FOXN1: variants seen among roughly 807,000 people sequenced by gnomAD.
The protein encoded by FOXN1 is forkhead box protein N1.
A neutral mutation model predicts 49.0 loss-of-function variants in FOXN1; 15 were observed. The ratio of observed to expected loss-of-function variants is 0.31; its 90% confidence interval spans 0.20 to 0.47. FOXN1 has a LOEUF of 0.47. Among genes scored for constraint, FOXN1 ranks in the 20% least tolerant of loss-of-function variants. The probability of loss-of-function intolerance (pLI) is 1.00; values close to 1 mark genes in which losing one functional copy is unlikely to be tolerated. For missense variants in FOXN1, 800 were observed against 842.8 expected (o/e 0.95, Z 0.63); for synonymous variants, 356 against 369.0 (o/e 0.96, Z 0.40).
In FOXN1 at chr17:28,535,071, C is replaced by T. The variant is rs914906056; in HGVS notation, c.1500C>T (p.Ser500=). ...DSPLPAHTPP[S]HSAKLLAEPS... is the part of the protein sequence containing the mutation. ...CTCTGCCTGCCCACACCCCACCCAG[C>T]CACAGTGCCAAGCTACTGGCCGAGC... Residue 500 remains serine (S), a synonymous_variant, in exon 8 of 9, where the codon AGC becomes AGT. Coordinates refer to ENST00000579795, the MANE Select transcript of FOXN1 (RefSeq NM_001369369.1). The T allele has an allele frequency of 2.5e-6, 4 of 1,609,510 alleles. No individual in the cohort carries two copies. In the Admixed American group the frequency reaches 5.0e-5, roughly 20 times the overall value.
chr17:28,537,642 G>A lies in FOXN1; in HGVS notation c.*206G>A, dbSNP rs774039480. On this transcript the variant is annotated 3_prime_UTR_variant, in exon 9 of 9. Transcript: ENST00000579795. ...TCTCACACATTTCTGCCACGTGGTG[G>A]CCCAGCTCCTCACCCAGGGCCCCCA... 7.2e-5 allele frequency: 45 copies of A among 629,180 alleles called. No individual in the cohort carries two copies. The highest frequency in any genetic ancestry group is 3.3e-4 in the African/African-American group (18 of 55,270). The allele number at this position is 629,180 out of a possible 1,614,324, so 39.0% of individuals were successfully genotyped here.
chr17:28,535,003 C>T lies in FOXN1; in HGVS notation c.1432C>T (p.His478Tyr). The change falls in exon 8 of 9, where the codon CAC becomes TAC. Residue 478 changes from histidine to tyrosine, a missense_variant. By Grantham distance (83) the His-to-Tyr change is moderately conservative (BLOSUM62 2). Transcript: ENST00000579795. ...GCCATTGTTCCCACAGCCGGACGGGCACCTTGAGCTGCGGGCCCAGCCAGG... is the reference window on the plus strand; with the variant it reads ...GCCATTGTTCCCACAGCCGGACGGGTACCTTGAGCTGCGGGCCCAGCCAGG... ...PQPLFPQPDG[H>Y]LELRAQPGTP... 1 of 1,613,950 alleles carries T rather than the reference C, an allele frequency of 6.2e-7. No individual in the cohort carries two copies. Among genetic ancestry groups the T allele is most frequent in the East Asian group, 2.2e-5 (1 of 44,878 alleles).
At chr17:28,513,411 A>G (rs943305952) in intron 1 of FOXN1, among the ~76,000 whole-genome samples, 2 of 152,256 alleles carry the variant, frequency 1.3e-5, no homozygotes, top group Non-Finnish European at 2.9e-5. Context: ...TAAAACATTC[A>G]TCTATCTGTC....
chr17:28,537,994 A>G lies in FOXN1; in HGVS notation c.*558A>G, dbSNP rs374753178. 2 of 159,650 alleles carry G rather than the reference A, an allele frequency of 1.3e-5. No homozygotes were observed. Among genetic ancestry groups the G allele is most frequent in the East Asian group, 1.7e-4 (1 of 5,758 alleles). The allele number at this position is 159,650 out of a possible 1,614,324, so 9.9% of individuals were successfully genotyped here. ...GCCCTGTATTTATTCCCCCATCTTC[A>G]TCCCAACAGCCCAGCAAGAAGGAGG... On this transcript the variant is annotated 3_prime_UTR_variant, in exon 9 of 9. Coordinates refer to ENST00000579795, the MANE Select transcript of FOXN1 (RefSeq NM_001369369.1).
At chr17:28,528,035 G>A (rs1318353817) in intron 4 of FOXN1, among the ~76,000 whole-genome samples, 1 of 152,212 alleles carries the variant, frequency 6.6e-6, no homozygotes, top group African/African-American at 2.4e-5. Context: ...CAGAGCAAGT[G>A]GCTGCCCAGC....
In FOXN1 at chr17:28,524,859, G is replaced by A; in HGVS notation, c.480G>A (p.Glu160=). The change falls in exon 3 of 9, where the codon GAG becomes GAA. Residue 160 remains glutamate (E), a synonymous_variant. Transcript: ENST00000579795. The stretch of plus-strand genomic sequence containing the variant: ...CAGGGCCGCTGGAGGCCTTCGAGGA[G>A]ATCCCAGTGGACGTGGCGGAGGCCG... ...KTPGPLEAFE[E]IPVDVAEAEA... is the part of the protein sequence containing the mutation. 6.2e-7 allele frequency: 1 copy of A among 1,613,752 alleles called. No individual in the cohort carries two copies. Among genetic ancestry groups the A allele is most frequent in the South Asian group, 1.1e-5 (1 of 91,078 alleles).
intron 1 of FOXN1, among the ~76,000 whole-genome samples, chr17:28,508,693 A>T (rs2069320747): frequency 1.3e-5 from 2 of 152,036 alleles, no homozygotes; most frequent in African/African-American, 4.8e-5. Flanking sequence ...CAGGGACAGA[A>T]AGGCCCCACT....
intron 4 of FOXN1, among the ~76,000 whole-genome samples, chr17:28,528,292 G>GGCT (rs893454856): frequency 6.6e-6 from 1 of 152,190 alleles, no homozygotes; most frequent in African/African-American, 2.4e-5. Flanking sequence ...GCTATCCTGA[G>GGCT]GCTCATGGTC....
rs528202630 is a variant in FOXN1, at chr17:28,523,892, C to T, written c.-14-64C>T. The T allele has an allele frequency of 1.8e-5, 29 of 1,569,948 alleles. No homozygotes were observed. In the East Asian group the frequency reaches 4.5e-4, roughly 24 times the overall value. On this transcript the variant is annotated intron_variant, in intron 1 of 8. Coordinates refer to ENST00000579795, the MANE Select transcript of FOXN1 (RefSeq NM_001369369.1). ...AAGGATGGGGTTGGGGTGGAGGTGG[C>T]GAACCTGGGTTGGTCCCCACTGGAT...
At chr17:28,529,741 C>T (rs1463180797) in intron 5 of FOXN1, among the ~76,000 whole-genome samples, 1 of 152,180 alleles carries the variant, frequency 6.6e-6, no homozygotes, top group Non-Finnish European at 1.5e-5. Flanking sequence ...TCCTTTCATT[C>T]ATCCAACCAA....
intron 1 of FOXN1, among the ~76,000 whole-genome samples, chr17:28,513,854 A>T (rs1172535769): frequency 1.3e-5 from 2 of 152,160 alleles, no homozygotes; most frequent in Non-Finnish European, 1.5e-5. Context: ...GAGAGACGGG[A>T]AGGTGCCCAG....
At chr17:28,510,576 ACACG>A (rs1402868790) in intron 1 of FOXN1, among the ~76,000 whole-genome samples, 5 of 114,018 alleles carry the variant, frequency 4.4e-5, no homozygotes, top group African/African-American at 1.9e-4. Context: ...ACACGCACAC[ACACG>A]CACACACACA....
intron 8 of FOXN1, among the ~76,000 whole-genome samples, chr17:28,536,807 G>A (rs1334883688): frequency 6.6e-6 from 1 of 152,118 alleles, no homozygotes. Flanking sequence ...ACTCCCAAGT[G>A]CACAACATTG....
intron 3 of FOXN1, among the ~76,000 whole-genome samples, chr17:28,526,183 G>A (rs954539144): frequency 2.6e-5 from 4 of 152,218 alleles, no homozygotes; most frequent in African/African-American, 2.4e-5. Context: ...GTATCTGGTC[G>A]ACTTGCTGGG....
At chr17:28,516,161 C>T (rs1205722975) in intron 1 of FOXN1, among the ~76,000 whole-genome samples, 10 of 145,476 alleles carry the variant, frequency 6.9e-5, no homozygotes, top group Admixed American at 1.4e-4. Context: ...TCCACAGGAT[C>T]CATACCTCCA....
intron 2 of FOXN1, 151 bp from the exon 3 acceptor site, chr17:28,524,352 G>GCTT (rs10638362): frequency 0.94 from 716,008 of 759,108 alleles, 338,490 homozygotes; most frequent in African/African-American, 0.99. Context: ...TGAAATCGGG[G>GCTT]CCAAGGGTAG....
intron 1 of FOXN1, among the ~76,000 whole-genome samples, chr17:28,507,841 C>T (rs2069296775): frequency 1.3e-5 from 2 of 152,324 alleles, no homozygotes; most frequent in Admixed American, 1.3e-4. Flanking sequence ...GGCAGGGCCT[C>T]CTATCCTGGT....
Position 28,537,561 on chromosome 17 carries a change from A to G in FOXN1, c.*125A>G. 1 of 764,208 alleles carries G rather than the reference A, an allele frequency of 1.3e-6. No homozygotes were observed. Among genetic ancestry groups the G allele is most frequent in the Non-Finnish European group, 2.3e-6 (1 of 441,382 alleles). The allele number at this position is 764,208 out of a possible 1,614,324, so 47.3% of individuals were successfully genotyped here. A position where few individuals can be genotyped will look rare whatever the true frequency, so the allele number is the denominator to read the frequency against. The stretch of plus-strand genomic sequence containing the variant: ...TACCTGTCCCCTATGCCACTAAGCC[A>G]ACGTGTGTGTCAGCTGGTAGCTGGG... On this transcript the variant is annotated 3_prime_UTR_variant, in exon 9 of 9. Transcript: ENST00000579795.
In FOXN1 at chr17:28,524,877, GGAGGCC is replaced by G; in HGVS notation, c.505_510del (p.Glu169_Ala170del). On this transcript the variant is annotated inframe_deletion, in exon 3 of 9. Coordinates refer to ENST00000579795, the MANE Select transcript of FOXN1 (RefSeq NM_001369369.1). ...TCGAGGAGATCCCAGTGGACGTGGCGGAGGCCGAGGCCTTCCTGCCTGGCTTCTCAG... is the reference window on the plus strand; with the variant it reads ...TCGAGGAGATCCCAGTGGACGTGGCGGAGGCCTTCCTGCCTGGCTTCTCAG... 2 of 1,613,612 alleles carry G rather than the reference GGAGGCC, an allele frequency of 1.2e-6. No individual in the cohort carries two copies. Among genetic ancestry groups the G allele is most frequent in the Non-Finnish European group, 1.7e-6 (2 of 1,180,012 alleles).
Sources: gnomAD v4.1 joint callset for allele counts (sites outside exome capture counted in the v4.1 genomes callset) on GRCh38, gnomAD v4.1.1 for gene constraint, MANE v1.5 for transcripts, NCBI Gene and HGNC (gene_info 2026-07-23, HGNC 2026-07-21) for gene names.